The following COL6A3 variants were observed in gnomAD, a reference collection of about 807,000 sequenced individuals.
COL6A3 encodes collagen alpha-3(VI) chain.
In COL6A3, 137 loss-of-function variants were observed where a neutral mutation model predicts 274.1. The ratio of observed to expected loss-of-function variants is 0.50; its 90% CI spans 0.44 to 0.58. The LOEUF (loss-of-function observed/expected upper bound fraction) is 0.58, where lower values mean the gene tolerates loss of function less well. Among genes scored for constraint, COL6A3 ranks in the 20% least tolerant of loss-of-function variants. The pLI is 0.00. For missense variants in COL6A3, 3,950 were observed against 4,124.9 expected (o/e 0.96, Z 1.16); for synonymous variants, 1,650 against 1,650.6 (o/e 1.00, Z 0.01).
Position 237,381,227 on chromosome 2 carries a change from G to A in COL6A3, c.1585C>T (p.Leu529=). 2 of 1,614,270 alleles carry A rather than the reference G, an allele frequency of 1.2e-6. No homozygotes were observed. Among genetic ancestry groups the A allele is most frequent in the Middle Eastern group, 1.6e-4 (1 of 6,062 alleles). Residue 529 remains leucine (L), a synonymous_variant, in exon 5 of 44, where the codon CTA becomes TTA. Coordinates refer to ENST00000295550, the MANE Select transcript of COL6A3 (RefSeq NM_004369.4). The part of the protein sequence containing the change: ...DGSALYTGSA[L]DFVRNNLFTS... ...AATAGGTTGTTACGAACAAAGTCTAGAGCAGAGCCCGTGTACAGGGCCGAG... is the reference window on the plus strand; with the variant it reads ...AATAGGTTGTTACGAACAAAGTCTAAAGCAGAGCCCGTGTACAGGGCCGAG...
At position 237,381,413 on chromosome 2, in the gene COL6A3, A is replaced by C. The variant is rs1475189366; in HGVS notation, c.1399T>G (p.Phe467Val). 1 of 1,613,604 alleles carries C rather than the reference A, an allele frequency of 6.2e-7. No individual in the cohort carries two copies. The highest frequency in any genetic ancestry group is 8.5e-7 in the Non-Finnish European group (1 of 1,180,030). Reference protein sequence around the residue: ...GLANFNAIRDFIAKVIQRLEI... With the variant: ...GLANFNAIRDVIAKVIQRLEI... Reference sequence around the variant, plus strand: ...AGCCTCTGGATGACTTTAGCAATGAAGTCTCGGATGGCATTGAAGTTGGCC... The same window carrying C: ...AGCCTCTGGATGACTTTAGCAATGACGTCTCGGATGGCATTGAAGTTGGCC... Residue 467 changes from phenylalanine to valine, a missense_variant, in exon 5 of 44, where the codon TTC (phenylalanine) becomes GTC (valine). Coordinates refer to ENST00000295550, the MANE Select transcript of COL6A3 (RefSeq NM_004369.4).
At position 237,361,252 on chromosome 2, in the gene COL6A3, T is replaced by A; in HGVS notation, c.6157-78A>T. On this transcript the variant is annotated intron_variant, in intron 15 of 43. Coordinates refer to ENST00000295550, the MANE Select transcript of COL6A3 (RefSeq NM_004369.4). The surrounding 1 kb of genome is among the most constrained non-coding windows in gnomAD (Gnocchi z 5.1). ...ACAGTAAGAATCCCTGTGGTCCCCC[T>A]TCATTTGGCAGAGCAGCACTAAAAC... 2.2e-6 allele frequency: 3 copies of A among 1,343,156 alleles called. No individual in the cohort carries two copies. The highest frequency in any genetic ancestry group is 3.2e-6 in the Non-Finnish European group (3 of 936,060). 83.2% of individuals were successfully genotyped at this position (1,343,156 alleles called of 1,614,324 possible).
intron 1 of COL6A3, among the ~76,000 whole-genome samples, chr2:237,412,630 C>G (rs543255257): frequency 3.1e-4 from 47 of 152,336 alleles, no homozygotes; most frequent in Middle Eastern, 3.4e-3. Context: ...CAACGGCCAC[C>G]CACTCAGTTT....
At position 237,350,147 on chromosome 2, in the gene COL6A3, C is replaced by T. The variant is rs886044656; in HGVS notation, c.6879G>A (p.Thr2293=). The change falls in exon 28 of 44, where the codon ACG becomes ACA. Residue 2293 remains threonine (T), a splice_region_variant and synonymous_variant. Transcript: ENST00000295550. The part of the protein sequence containing the change: ...GIGNRGPRGE[T]GDDGRDGVGS... ...GACCCCAAGCGCGCTGTGACCTTAC[C>T]GTCTCCCCACGAGGGCCCCGGTTCC... The T allele has an allele frequency of 6.2e-7, 1 of 1,614,008 alleles. No homozygotes were observed. Among genetic ancestry groups the T allele is most frequent in the Non-Finnish European group, 8.5e-7 (1 of 1,179,962 alleles).
At position 237,350,215 on chromosome 2, in the gene COL6A3, C is replaced by T. The variant is rs886042773; in HGVS notation, c.6817-6G>A. On this transcript the variant is annotated splice_region_variant and splice_polypyrimidine_tract_variant and intron_variant, in intron 27 of 43. Coordinates refer to ENST00000295550, the MANE Select transcript of COL6A3 (RefSeq NM_004369.4). ...CCTGGCTCTCCGGGCTCACCCTAGA[C>T]ATGAGAAACATGGCTGAGACCCTGT... 6.2e-7 allele frequency: 1 copy of T among 1,614,062 alleles called. No individual in the cohort carries two copies. The highest frequency in any genetic ancestry group is 1.1e-5 in the South Asian group (1 of 91,084).
At chr2:237,391,194 G>A (rs932422701) in intron 3 of COL6A3, among the ~76,000 whole-genome samples, 16 of 151,526 alleles carry the variant, frequency 1.1e-4, no homozygotes, top group East Asian at 3.8e-4. Context: ...AACATGCAGC[G>A]GGACGTGGTA....
rs2078920320 is a variant in COL6A3, at chr2:237,414,116, T to G, written c.-194A>C. ...TGCGGAGGAAAACTCTTGCAGTCCTTGCAGGAGGCTGGAGCCCAGGAGAAC... is the reference window on the plus strand; with the variant it reads ...TGCGGAGGAAAACTCTTGCAGTCCTGGCAGGAGGCTGGAGCCCAGGAGAAC... On this transcript the variant is annotated 5_prime_UTR_variant, in exon 1 of 44. Transcript: ENST00000295550. The G allele has an allele frequency of 6.6e-6, 1 of 152,214 alleles. No individual in the cohort carries two copies. Among genetic ancestry groups the G allele is most frequent in the Non-Finnish European group, 1.5e-5 (1 of 68,026 alleles). The allele number at this position is 152,214 out of a possible 1,614,324, so 9.4% of individuals were successfully genotyped here. A position where few individuals can be genotyped will look rare whatever the true frequency, so the allele number is the denominator to read the frequency against.
At chr2:237,384,537 G>A (rs2078095536) in intron 4 of COL6A3, among the ~76,000 whole-genome samples, 1 of 151,948 alleles carries the variant, frequency 6.6e-6, no homozygotes, top group Non-Finnish European at 1.5e-5. Context: ...GGACATTCCT[G>A]GAGAAGACCA....
chr2:237,381,739 G>C (rs2078011573), intron 4 of COL6A3, among the ~76,000 whole-genome samples: 1 of 152,142 alleles, frequency 6.6e-6, no homozygotes, highest in South Asian at 2.1e-4. Flanking sequence ...TTACAAAATA[G>C]TTGCACAAAA....
chr2:237,366,056 T>C, intron 11 of COL6A3, 21 bp from the exon 12 acceptor site: 1 of 1,606,988 alleles, frequency 6.2e-7, no homozygotes. Context: ...GAAATGCAGG[T>C]GATGAGTTCT....
chr2:237,332,961 G>A (rs1430333488), intron 42 of COL6A3: 1 of 219,548 alleles, frequency 4.6e-6, no homozygotes, highest in Non-Finnish European at 9.3e-6. Flanking sequence ...CAGTATCACA[G>A]ACTCACACAC....
chr2:237,340,911 G>T lies in COL6A3; in HGVS notation c.8005C>A (p.His2669Asn). 6.2e-7 allele frequency: 1 copy of T among 1,613,390 alleles called. No individual in the cohort carries two copies. Among genetic ancestry groups the T allele is most frequent in the South Asian group, 1.1e-5 (1 of 91,050 alleles). ...TTGTCCACGGACTCAGAGGGCGCGT[G>T]CTGCACAACTGCCACTCTGGCGAAG... ...QHFARVAVVQ[H>N]APSESVDNAS... Residue 2669 changes from histidine to asparagine, a missense_variant, in exon 38 of 44, where the codon CAC becomes AAC. Physicochemically the swap from His to Asn is moderately conservative, Grantham distance 68 (BLOSUM62 1). This residue lies in a region of COL6A3 where 1,284 missense variants were observed against 1,349.7 expected (regional missense o/e 0.95). Transcript: ENST00000295550.
intron 4 of COL6A3, among the ~76,000 whole-genome samples, chr2:237,384,920 C>G (rs575293686): frequency 3.3e-5 from 5 of 152,144 alleles, no homozygotes; most frequent in Non-Finnish European, 5.9e-5. Flanking sequence ...CCAGTGTGCT[C>G]CAGCTACACT....
At chr2:237,333,635 C>CT in intron 41 of COL6A3, 87 bp from the exon 42 acceptor site, 4 of 1,154,046 alleles carry the variant, frequency 3.5e-6, no homozygotes, top group Non-Finnish European at 5.1e-6. Context: ...AGGTTGCCTG[C>CT]TGTGATTAAT....
chr2:237,386,047 C>A (rs371252905), intron 4 of COL6A3, among the ~76,000 whole-genome samples: 5 of 152,378 alleles, frequency 3.3e-5, no homozygotes, highest in African/African-American at 9.6e-5. Flanking sequence ...CACCTGGTCA[C>A]AGTTCCAATG....
At chr2:237,397,491 A>G (rs1441865912) in intron 1 of COL6A3, among the ~76,000 whole-genome samples, 2 of 146,252 alleles carry the variant, frequency 1.4e-5, no homozygotes, top group African/African-American at 2.5e-5. Context: ...GAGAGAGGGA[A>G]GGAGGGAGGG....
At position 237,368,107 on chromosome 2, in the gene COL6A3, A is replaced by G. The variant is rs2077596546; in HGVS notation, c.4900+456T>C. ...TGCAGCCCCAAAGACGAGAACCAGG[A>G]GCACGGGGTAGAAGCTGAGGTGGAC... On this transcript the variant is annotated intron_variant, in intron 10 of 43. Transcript: ENST00000295550. This position sits in a 1 kb window ranked among gnomAD's most constrained non-coding sequence, Gnocchi z 4.4. Among the ~76,000 whole-genome samples the G allele has an allele frequency of 6.6e-6, 1 of 152,226 alleles. No homozygotes were observed. Among genetic ancestry groups the G allele is most frequent in the Admixed American group, 6.5e-5 (1 of 15,288 alleles).
rs1392096566 is a variant in COL6A3, at chr2:237,334,670, A to C, written c.9185T>G (p.Leu3062Arg). 2 of 1,613,788 alleles carry C rather than the reference A, an allele frequency of 1.2e-6. No homozygotes were observed. The highest frequency in any genetic ancestry group is 2.2e-5 in the South Asian group (2 of 91,054). Residue 3062 changes from leucine (L) to arginine (R), a missense_variant, in exon 41 of 44, where the codon CTG (leucine) becomes CGG (arginine). Coordinates refer to ENST00000295550, the MANE Select transcript of COL6A3 (RefSeq NM_004369.4). ...QTYHVAVVCY[L>R]RSQVRATYHG... ...GTAGGTGGCTCTGACCTGAGACCTC[A>C]GGTAGCAGACCACAGCCACATGGTA...
chr2:237,370,396 A>G (rs2077657931), intron 9 of COL6A3, among the ~76,000 whole-genome samples: 1 of 151,392 alleles, frequency 6.6e-6, no homozygotes, highest in African/African-American at 2.4e-5. Flanking sequence ...GTGCCACCAC[A>G]CCCAGCTAAT....
Sources: gnomAD v4.1 joint callset for allele counts (sites outside exome capture counted in the v4.1 genomes callset) on GRCh38, gnomAD v4.1.1 for gene constraint, gnomAD v4.1.1 regional missense constraint, Gnocchi (gnomAD v3.1) non-coding constraint, MANE v1.5 for transcripts, NCBI Gene and HGNC (gene_info 2026-07-23, HGNC 2026-07-21) for gene names.